Variants in PXDNL observed in about 807,000 individuals in gnomAD.
PXDNL encodes probable oxidoreductase PXDNL.
A neutral mutation model predicts 150.8 loss-of-function variants in PXDNL; 145 were observed. That is an observed-to-expected ratio of 0.96 (90% CI 0.84 to 1.10). The LOEUF is 1.10. Ranked by LOEUF, PXDNL falls within the 50% of genes least tolerant of loss-of-function variation. The pLI is 0.00. For synonymous variants in PXDNL, 757 were observed against 725.7 expected, an observed-to-expected ratio of 1.04 and a Z score of -0.69; for missense variants, 2,087 against 1,873.9, an observed-to-expected ratio of 1.11 and a Z score of -2.10.
At chr8:51,649,241 T>G (rs934316550) in intron 2 of PXDNL, among the ~76,000 whole-genome samples, 1 of 152,162 alleles carries the variant, frequency 6.6e-6, no homozygotes, top group Non-Finnish European at 1.5e-5. Context: ...AGCACCGACA[T>G]AGACCCCAGC....
At chr8:51,794,479 C>A (rs1194085087) in intron 1 of PXDNL, among the ~76,000 whole-genome samples, 2 of 152,182 alleles carry the variant, frequency 1.3e-5, no homozygotes, top group Non-Finnish European at 2.9e-5. Flanking sequence ...AGCAGAAACC[C>A]TACAAGCCAG....
intron 17 of PXDNL, among the ~76,000 whole-genome samples, chr8:51,402,824 A>G (rs1454670935): frequency 6.6e-6 from 1 of 151,990 alleles, no homozygotes; most frequent in Non-Finnish European, 1.5e-5. Flanking sequence ...GCACTTTGGG[A>G]GGCTGAGGCG....
chr8:51,775,440 G>A (rs1293600838), intron 1 of PXDNL, among the ~76,000 whole-genome samples: 1 of 152,140 alleles, frequency 6.6e-6, no homozygotes, highest in Non-Finnish European at 1.5e-5. Context: ...ATTCTCTACA[G>A]GGTTCATCAG....
chr8:51,516,770 T>A (rs1442646190), intron 4 of PXDNL, among the ~76,000 whole-genome samples: 1 of 152,140 alleles, frequency 6.6e-6, no homozygotes, highest in Non-Finnish European at 1.5e-5. Flanking sequence ...CCCCTTTAAC[T>A]GTTTCCTGAC....
intron 6 of PXDNL, among the ~76,000 whole-genome samples, chr8:51,480,286 G>T (rs1168313383): frequency 1.3e-5 from 2 of 152,142 alleles, no homozygotes; most frequent in Admixed American, 6.5e-5. Context: ...GATTTAATTG[G>T]CTCATGGTTC....
intron 4 of PXDNL, among the ~76,000 whole-genome samples, chr8:51,535,255 G>A (rs1322304395): frequency 7.9e-6 from 1 of 126,938 alleles, no homozygotes; most frequent in Non-Finnish European, 1.6e-5. Flanking sequence ...TGATGACAAT[G>A]GCGGTTTTGT....
chr8:51,421,961 C>T (rs1300849401), intron 14 of PXDNL, among the ~76,000 whole-genome samples: 1 of 152,162 alleles, frequency 6.6e-6, no homozygotes, highest in Non-Finnish European at 1.5e-5. Context: ...CTGTTAGTAA[C>T]ACAGCAGGAG....
In PXDNL at chr8:51,336,557, C is replaced by G. The variant is rs546757907; in HGVS notation, c.4146+3067G>C. ...TCACAAAAGTCTGTCTTCGTCATCCCCATCTACCTTTGGGTGCTCCCCACT... is the reference window on the plus strand; with the variant it reads ...TCACAAAAGTCTGTCTTCGTCATCCGCATCTACCTTTGGGTGCTCCCCACT... On this transcript the variant is annotated intron_variant, in intron 21 of 22. Transcript: ENST00000356297. Among the ~76,000 whole-genome samples, 157 of 152,282 alleles carry G rather than the reference C, an allele frequency of 1.0e-3. 5 individuals are homozygous for G. In the South Asian group the frequency reaches 0.032, roughly 31 times the overall value.
In PXDNL at chr8:51,592,608, G is replaced by A; in HGVS notation, c.308+19C>T. On this transcript the variant is annotated intron_variant, in intron 3 of 22. Transcript: ENST00000356297. Reference sequence around the variant, plus strand: ...TCAAACAACACCATAAGGCATTGTTGTTTTTTCTTATAACTTACAGATATA... The same window carrying A: ...TCAAACAACACCATAAGGCATTGTTATTTTTTCTTATAACTTACAGATATA... The A allele has an allele frequency of 6.7e-7, 1 of 1,503,408 alleles. No homozygotes were observed. The highest frequency in any genetic ancestry group is 9.0e-7 in the Non-Finnish European group (1 of 1,111,178). 93.1% of individuals were successfully genotyped at this position (1,503,408 alleles called of 1,614,324 possible).
At chr8:51,655,155 C>G (rs11985040) in intron 1 of PXDNL, among the ~76,000 whole-genome samples, 2,722 of 152,290 alleles carry the variant, frequency 0.018, 79 homozygotes, top group African/African-American at 0.063. Context: ...CATATCAACT[C>G]AACACCACTG....
At chr8:51,759,566 G>A (rs1379497360) in intron 1 of PXDNL, among the ~76,000 whole-genome samples, 1 of 152,208 alleles carries the variant, frequency 6.6e-6, no homozygotes, top group South Asian at 2.1e-4. Context: ...GAGTAGGAGA[G>A]CAGAGAATCC....
chr8:51,501,807 A>G (rs994764058), intron 4 of PXDNL, among the ~76,000 whole-genome samples: 5 of 152,204 alleles, frequency 3.3e-5, no homozygotes, highest in African/African-American at 7.2e-5. Context: ...GGGCTGGGAG[A>G]GTGAAAGAGG....
chr8:51,711,551 T>G (rs1201568188), intron 1 of PXDNL, among the ~76,000 whole-genome samples: 1 of 152,244 alleles, frequency 6.6e-6, no homozygotes, highest in Non-Finnish European at 1.5e-5. Context: ...GAGTTTGTCA[T>G]GAAGCTCCAG....
chr8:51,508,697 A>G (rs1212191845), intron 4 of PXDNL, among the ~76,000 whole-genome samples: 2 of 152,090 alleles, frequency 1.3e-5, no homozygotes, highest in East Asian at 3.9e-4. Context: ...AGATACCCAC[A>G]TTGCACAGCC....
intron 9 of PXDNL, among the ~76,000 whole-genome samples, chr8:51,454,171 T>C (rs1035581627): frequency 1.2e-4 from 19 of 152,198 alleles, no homozygotes; most frequent in African/African-American, 4.6e-4. Context: ...TAAGTTTAAG[T>C]AGTCATTTCT....
At chr8:51,690,041 C>T (rs1815957423) in intron 1 of PXDNL, among the ~76,000 whole-genome samples, 1 of 152,212 alleles carries the variant, frequency 6.6e-6, no homozygotes, top group African/African-American at 2.4e-5. Context: ...CTCCTAACCT[C>T]TCTGATAATA....
chr8:51,559,171 G>A (rs1471642932), intron 3 of PXDNL, among the ~76,000 whole-genome samples: 1 of 151,898 alleles, frequency 6.6e-6, no homozygotes, highest in Non-Finnish European at 1.5e-5. Flanking sequence ...TTCTCAAGTT[G>A]TTATCTACAG....
At chr8:51,665,264 G>A (rs910986124) in intron 1 of PXDNL, among the ~76,000 whole-genome samples, 13 of 152,180 alleles carry the variant, frequency 8.5e-5, no homozygotes, top group African/African-American at 3.1e-4. Context: ...AACCCGCGGT[G>A]GGTCTCCCTG....
intron 1 of PXDNL, among the ~76,000 whole-genome samples, chr8:51,720,011 T>TG (rs1193252065): frequency 1.3e-5 from 2 of 152,126 alleles, no homozygotes; most frequent in African/African-American, 4.8e-5. Flanking sequence ...TTTGAACTTC[T>TG]GGATTCAGCT....
Sources: allele counts gnomAD v4.1 joint callset (sites outside exome capture counted in the v4.1 genomes callset), GRCh38; gene constraint gnomAD v4.1.1; transcripts MANE v1.5; gene names NCBI Gene and HGNC (gene_info 2026-07-23, HGNC 2026-07-21).